CDKAL1: variants seen among roughly 807,000 people sequenced by gnomAD.
CDKAL1 encodes CDKAL1 threonylcarbamoyladenosine tRNA methylthiotransferase, also known as threonylcarbamoyladenosine tRNA methylthiotransferase.
CDKAL1 carries 32 observed loss-of-function variants against 68.2 expected under a neutral mutation model. The observed-to-expected ratio is 0.47, with a 90% CI of 0.35 to 0.63. The LOEUF is 0.63. Among genes scored for constraint, CDKAL1 ranks in the 30% least tolerant of loss-of-function variants. The pLI, the probability that CDKAL1 is intolerant of heterozygous loss-of-function variation, is 0.00. For missense variants in CDKAL1, 606 were observed against 696.7 expected (o/e 0.87, Z 1.47); for synonymous variants, 234 against 244.3 (o/e 0.96, Z 0.39).
intron 9 of CDKAL1, among the ~76,000 whole-genome samples, chr6:20,885,050 A>C (rs1169269354): frequency 1.3e-5 from 2 of 152,252 alleles, no homozygotes; most frequent in Non-Finnish European, 2.9e-5. Flanking sequence ...ATTCATGTTC[A>C]GGGATAGGAA....
At chr6:20,660,326 C>G (rs1422694241) in intron 5 of CDKAL1, among the ~76,000 whole-genome samples, 1 of 152,090 alleles carries the variant, frequency 6.6e-6, no homozygotes, top group East Asian at 1.9e-4. Context: ...CGCTCTGACT[C>G]TACTGTGTAA....
intron 5 of CDKAL1, among the ~76,000 whole-genome samples, chr6:20,707,661 C>G (rs1771663205): frequency 6.6e-6 from 1 of 152,162 alleles, no homozygotes; most frequent in African/African-American, 2.4e-5. Flanking sequence ...CAAGGCATAG[C>G]CATATTTTGC....
At chr6:20,566,997 C>T (rs1422206674) in intron 4 of CDKAL1, among the ~76,000 whole-genome samples, 3 of 151,944 alleles carry the variant, frequency 2.0e-5, no homozygotes, top group Non-Finnish European at 4.4e-5. Flanking sequence ...AGAGAATATA[C>T]TAGGAGGGGT....
chr6:20,934,005 G>C (rs965245384), intron 9 of CDKAL1, among the ~76,000 whole-genome samples: 3 of 151,226 alleles, frequency 2.0e-5, no homozygotes, highest in African/African-American at 7.3e-5. Context: ...TATATGGACT[G>C]TGGTCCTTAT....
chr6:20,563,214 A>AT (rs1044762124), intron 4 of CDKAL1, among the ~76,000 whole-genome samples: 4 of 152,038 alleles, frequency 2.6e-5, no homozygotes, highest in African/African-American at 9.7e-5. Flanking sequence ...CATTGAGAAT[A>AT]TTTTTTTTCT....
intron 12 of CDKAL1, among the ~76,000 whole-genome samples, chr6:21,090,896 C>T (rs1772977478): frequency 6.7e-6 from 1 of 150,212 alleles, no homozygotes; most frequent in Non-Finnish European, 1.5e-5. Flanking sequence ...GCCTCAACCT[C>T]CTGGGTCACA....
At chr6:20,712,557 GA>G (rs1350635750) in intron 5 of CDKAL1, among the ~76,000 whole-genome samples, 4 of 150,108 alleles carry the variant, frequency 2.7e-5, no homozygotes, top group Non-Finnish European at 5.9e-5. Context: ...AAAAAGAAAA[GA>G]AAAAAACACC....
chr6:20,884,949 A>C (rs1760999034), intron 9 of CDKAL1, among the ~76,000 whole-genome samples: 1 of 152,170 alleles, frequency 6.6e-6, no homozygotes, highest in Non-Finnish European at 1.5e-5. Context: ...CAACATAGCA[A>C]GGCCCCATCT....
chr6:21,015,250 C>T (rs1422019915), intron 11 of CDKAL1, among the ~76,000 whole-genome samples: 4 of 152,172 alleles, frequency 2.6e-5, no homozygotes, highest in East Asian at 1.9e-4. Context: ...AGGTTACTTA[C>T]GTGATCTGCT....
chr6:20,856,441 T>G (rs1298318414), intron 9 of CDKAL1, among the ~76,000 whole-genome samples: 1 of 152,226 alleles, frequency 6.6e-6, no homozygotes, highest in African/African-American at 2.4e-5. Flanking sequence ...ATGCTGTGTC[T>G]TATGACATGG....
rs149992788 is a variant in CDKAL1 at position 20,612,942 on chromosome 6, C to T, written c.287-36351C>T. ...AAGTAATAAGACTCCATCCATCTGC[C>T]GTCTGCTTCAGCTAAGTATTTGTGA... On this transcript the variant is annotated intron_variant, in intron 4 of 15. Coordinates refer to ENST00000274695, the MANE Select transcript of CDKAL1 (RefSeq NM_017774.3). 3.9e-3 allele frequency among the ~76,000 whole-genome samples: 591 copies of T among 150,160 alleles called. 4 individuals are homozygous for T. The highest frequency in any genetic ancestry group is 0.013 in the African/African-American group (536 of 40,932).
At chr6:20,916,050 A>G (rs1205404704) in intron 9 of CDKAL1, among the ~76,000 whole-genome samples, 5 of 152,180 alleles carry the variant, frequency 3.3e-5, no homozygotes, top group Admixed American at 3.3e-4. Context: ...AAAGGCTATA[A>G]AGGGATAGCC....
At chr6:20,848,234 G>C (rs1486593130) in intron 9 of CDKAL1, among the ~76,000 whole-genome samples, 1 of 151,636 alleles carries the variant, frequency 6.6e-6, no homozygotes, top group Non-Finnish European at 1.5e-5. Flanking sequence ...ATGGGGGTTT[G>C]CAAAGAGAGT....
At chr6:20,926,223 A>G (rs918425407) in intron 9 of CDKAL1, among the ~76,000 whole-genome samples, 5 of 152,152 alleles carry the variant, frequency 3.3e-5, no homozygotes, top group Admixed American at 6.6e-5. Context: ...GTTGAACTCT[A>G]TAGTTGTTTA....
At chr6:20,649,464 G>T in intron 5 of CDKAL1, 87 bp downstream of exon 5, 1 of 705,482 alleles carries the variant, frequency 1.4e-6, no homozygotes, top group Middle Eastern at 3.9e-4. Context: ...TGTCAATATA[G>T]ATATTTAGTT....
At chr6:20,739,194 A>G (rs1457268688) in intron 5 of CDKAL1, among the ~76,000 whole-genome samples, 1 of 152,224 alleles carries the variant, frequency 6.6e-6, no homozygotes, top group Non-Finnish European at 1.5e-5. Context: ...TTGGAGAGTT[A>G]GCTTGCCTAT....
chr6:20,857,465 A>G (rs546718707), intron 9 of CDKAL1, among the ~76,000 whole-genome samples: 1 of 152,232 alleles, frequency 6.6e-6, no homozygotes, highest in South Asian at 2.1e-4. Context: ...TCATTTATAA[A>G]AGTAGATTTT....
intron 9 of CDKAL1, among the ~76,000 whole-genome samples, chr6:20,899,685 A>C (rs1174202827): frequency 6.6e-6 from 1 of 152,116 alleles, no homozygotes; most frequent in East Asian, 1.9e-4. Flanking sequence ...TCTACTGAAA[A>C]ATACAAAATT....
At chr6:21,066,865 A>G (rs2150935328) in intron 12 of CDKAL1, among the ~76,000 whole-genome samples, 1 of 152,074 alleles carries the variant, frequency 6.6e-6, no homozygotes, top group South Asian at 2.1e-4. Flanking sequence ...GACTCAAGCG[A>G]TCCTCCCATG....
Sources: allele counts gnomAD v4.1 joint callset (sites outside exome capture counted in the v4.1 genomes callset), GRCh38; gene constraint gnomAD v4.1.1; transcripts MANE v1.5; gene names NCBI Gene and HGNC (gene_info 2026-07-23, HGNC 2026-07-21).